The following SCRG1 variants were observed in gnomAD, a reference collection of about 807,000 sequenced individuals.
The protein encoded by SCRG1 is stimulator of chondrogenesis 1.
SCRG1 carries 3 observed loss-of-function variants against 7.7 expected under a neutral mutation model. The observed-to-expected ratio is 0.39, with a 90% CI of 0.18 to 1.01. The LOEUF (loss-of-function observed/expected upper bound fraction) is 1.01, where lower values mean the gene tolerates loss of function less well. SCRG1 is among the 50% of genes least tolerant of loss of function. The pLI is 0.36. For missense variants in SCRG1, 110 were observed against 117.2 expected (o/e 0.94, Z 0.28); for synonymous variants, 46 against 41.2 (o/e 1.12, Z -0.44).
the SCRG1 span, among the ~76,000 whole-genome samples, chr4:173,420,300 C>T: frequency 6.6e-6 from 1 of 152,154 alleles, no homozygotes; most frequent in East Asian, 1.9e-4. Context: ...CTACAATGAA[C>T]TTACTTATAA....
rs1043464360 is a variant in SCRG1 at position 173,385,407 on chromosome 4, T to C, written c.*2934A>G. On this transcript the variant is annotated 3_prime_UTR_variant, in exon 3 of 3. Transcript: ENST00000296506. ...ATCACTTGAACCTGGGAGGCAGAGG[T>C]TGCAGTGAGTCAAGATTGTGCCACT... is the stretch of plus-strand genomic sequence containing the variant. The C allele has an allele frequency of 1.1e-4, 17 of 152,034 alleles. No individual in the cohort carries two copies. The highest frequency in any genetic ancestry group is 6.6e-4 in the Admixed American group (10 of 15,262). 9.4% of individuals were successfully genotyped at this position (152,034 alleles called of 1,614,324 possible).
At chr4:173,509,081 C>CA in the SCRG1 span, among the ~76,000 whole-genome samples, 2 of 152,188 alleles carry the variant, frequency 1.3e-5, no homozygotes, top group African/African-American at 4.8e-5. This position sits in a 1 kb window ranked among gnomAD's most constrained non-coding sequence, Gnocchi z 5.7. Context: ...CACCCCACTG[C>CA]ATATTATTCC....
rs781434414 is a variant in SCRG1, at chr4:173,391,573, A to G, written c.-14-145T>C. The G allele has an allele frequency of 1.4e-3, 1,155 of 814,764 alleles. 31 individuals carry two copies. Among genetic ancestry groups the G allele is most frequent in the Non-Finnish European group, 2.3e-4 (120 of 519,002 alleles). 50.5% of individuals were successfully genotyped at this position (814,764 alleles called of 1,614,324 possible). A position where few individuals can be genotyped will look rare whatever the true frequency, so the allele number is the denominator to read the frequency against. ...TTCTACAATCCTGTTTGTGTTTCTC[A>G]AAGTGTAGTTTTATGACCATCTATG... On this transcript the variant is annotated intron_variant, in intron 1 of 2. Coordinates refer to ENST00000296506, the MANE Select transcript of SCRG1 (RefSeq NM_007281.4).
chr4:173,516,990 C>T, the SCRG1 span, among the ~76,000 whole-genome samples: 1 of 152,210 alleles, frequency 6.6e-6, no homozygotes, highest in East Asian at 1.9e-4. Context: ...CGCCGTAGTG[C>T]TTAGCAAGCT....
In SCRG1 at chr4:173,385,009, T is replaced by A. The variant is rs1739208752; in HGVS notation, c.*3332A>T. ...AGTGTAAGACTGGCCATATTCAAAATCTGGCTCAATTGCTCACTGATAATG... is the reference window on the plus strand; with the variant it reads ...AGTGTAAGACTGGCCATATTCAAAAACTGGCTCAATTGCTCACTGATAATG... On this transcript the variant is annotated 3_prime_UTR_variant, in exon 3 of 3. Transcript: ENST00000296506. 1 of 152,186 alleles carries A rather than the reference T, an allele frequency of 6.6e-6. No individual in the cohort carries two copies. The highest frequency in any genetic ancestry group is 1.5e-5 in the Non-Finnish European group (1 of 68,022). 9.4% of individuals were successfully genotyped at this position (152,186 alleles called of 1,614,324 possible).
chr4:173,486,990 C>A, the SCRG1 span, among the ~76,000 whole-genome samples: 86 of 152,248 alleles, frequency 5.6e-4, no homozygotes, highest in East Asian at 0.013. Flanking sequence ...ATGAAATTAT[C>A]ATTTGGGTTA....
intron 1 of SCRG1, among the ~76,000 whole-genome samples, chr4:173,394,333 C>G (rs573210625): frequency 6.6e-6 from 1 of 151,760 alleles, no homozygotes; most frequent in Non-Finnish European, 1.5e-5. Flanking sequence ...TTGTGGTTAC[C>G]ATGAGGCTTA....
chr4:173,445,089 C>A, the SCRG1 span, among the ~76,000 whole-genome samples: 82,856 of 151,294 alleles, frequency 0.55, 24,179 homozygotes, highest in Non-Finnish European at 0.67. Flanking sequence ...CAGTGCCCAA[C>A]TTTTAACAGA....
the SCRG1 span, among the ~76,000 whole-genome samples, chr4:173,463,160 A>C: frequency 1.3e-5 from 2 of 152,186 alleles, no homozygotes. Context: ...CAGGCTCTAC[A>C]CTGCCCTGTG....
the SCRG1 span, among the ~76,000 whole-genome samples, chr4:173,465,726 G>T: frequency 6.6e-6 from 1 of 151,612 alleles, no homozygotes; most frequent in Non-Finnish European, 1.5e-5. Context: ...ATTTCTAAGT[G>T]TACAGTTCAA....
the SCRG1 span, among the ~76,000 whole-genome samples, chr4:173,459,853 T>C: frequency 5.3e-5 from 8 of 152,016 alleles, no homozygotes; most frequent in Admixed American, 1.3e-4. Flanking sequence ...AGGGTAACTA[T>C]AGTTTACAAT....
upstream of SCRG1, among the ~76,000 whole-genome samples, chr4:173,399,957 G>A (rs1338669174): frequency 6.6e-6 from 1 of 152,188 alleles, no homozygotes; most frequent in African/African-American, 2.4e-5. Context: ...GAGATTATAG[G>A]TGGTTTCATT....
the SCRG1 span, among the ~76,000 whole-genome samples, chr4:173,462,747 C>A: frequency 6.6e-6 from 1 of 152,096 alleles, no homozygotes; most frequent in African/African-American, 2.4e-5. Flanking sequence ...ATAACTACAA[C>A]AACTTTTCAA....
At chr4:173,430,212 C>G in the SCRG1 span, among the ~76,000 whole-genome samples, 1 of 152,098 alleles carries the variant, frequency 6.6e-6, no homozygotes, top group African/African-American at 2.4e-5. Flanking sequence ...TTGGCCTGAT[C>G]TACTAGGAAA....
chr4:173,419,213 A>T, the SCRG1 span: 2 of 445,872 alleles, frequency 4.5e-6, no homozygotes, highest in Non-Finnish European at 8.2e-6. Flanking sequence ...TATTGTCTTT[A>T]TCTGAAAAAT....
upstream of SCRG1, among the ~76,000 whole-genome samples, chr4:173,410,849 A>G (rs150488591): frequency 6.0e-4 from 91 of 152,346 alleles, no homozygotes; most frequent in African/African-American, 2.2e-3. Flanking sequence ...TTCTTCGGTG[A>G]CAGAATTTTA....
chr4:173,421,789 A>G, the SCRG1 span, among the ~76,000 whole-genome samples: 1 of 152,194 alleles, frequency 6.6e-6, no homozygotes, highest in African/African-American at 2.4e-5. Context: ...TGGGGCAGGT[A>G]GGGTGGGAGG....
At chr4:173,421,739 A>G in the SCRG1 span, among the ~76,000 whole-genome samples, 1 of 152,358 alleles carries the variant, frequency 6.6e-6, no homozygotes, top group East Asian at 1.9e-4. Context: ...GGGATGATGT[A>G]GAAAGAGAAT....
the SCRG1 span, chr4:173,468,140 C>T: frequency 1.3e-5 from 2 of 152,544 alleles, no homozygotes; most frequent in African/African-American, 2.4e-5. Context: ...ACATATACAA[C>T]GGTGGTCCCA....
Sources: gnomAD v4.1 joint callset for allele counts (sites outside exome capture counted in the v4.1 genomes callset) on GRCh38, gnomAD v4.1.1 for gene constraint, Gnocchi (gnomAD v3.1) non-coding constraint, MANE v1.5 for transcripts, NCBI Gene and HGNC (gene_info 2026-07-23, HGNC 2026-07-21) for gene names.